The following SLC36A4 variants were observed in gnomAD, a reference collection of about 807,000 sequenced individuals.
The protein encoded by SLC36A4 is neutral amino acid uniporter 4.
SLC36A4 carries 49 observed loss-of-function variants against 50.5 expected under a neutral mutation model. The observed-to-expected ratio is 0.97, with a 90% CI of 0.77 to 1.23. SLC36A4 has a LOEUF of 1.23. SLC36A4 is among the 50% of genes most tolerant of loss of function. The probability of loss-of-function intolerance (pLI) is 0.00; values close to 1 mark genes in which losing one functional copy is unlikely to be tolerated. For synonymous variants in SLC36A4, 207 were observed against 206.5 expected (o/e 1.00, Z -0.02); for missense variants, 611 against 608.4 (o/e 1.00, Z -0.05).
intron 10 of SLC36A4, among the ~76,000 whole-genome samples, chr11:93,153,264 G>T (rs1176659187): frequency 5.3e-5 from 8 of 151,868 alleles, no homozygotes; most frequent in Non-Finnish European, 1.2e-4. Flanking sequence ...CTGGTCCCTG[G>T]TATCATTTTA....
chr11:93,179,040 A>G (rs1351218144), intron 6 of SLC36A4, among the ~76,000 whole-genome samples: 2 of 152,202 alleles, frequency 1.3e-5, no homozygotes, highest in Non-Finnish European at 2.9e-5. Context: ...AAGAGTTCAC[A>G]GAGAAAATGG....
chr11:93,184,013 T>C (rs1384654393), intron 3 of SLC36A4, among the ~76,000 whole-genome samples: 1 of 152,132 alleles, frequency 6.6e-6, no homozygotes, highest in Non-Finnish European at 1.5e-5. Flanking sequence ...TTCTTAACTG[T>C]TATTTAAATT....
intron 9 of SLC36A4, chr11:93,160,524 G>A (rs896411518): frequency 5.1e-6 from 5 of 985,264 alleles, no homozygotes; most frequent in Non-Finnish European, 6.0e-6. Flanking sequence ...TGGGAAAAGG[G>A]AAGGATTAAT....
Position 93,148,852 on chromosome 11 carries a change from A to G in SLC36A4, c.1208-8T>C. ...TAAGAATTGCTCCGGCACCTAGAAAATGAAAATACATTTATTTTTCTTATT... is the reference window on the plus strand; with the variant it reads ...TAAGAATTGCTCCGGCACCTAGAAAGTGAAAATACATTTATTTTTCTTATT... On this transcript the variant is annotated splice_polypyrimidine_tract_variant and splice_region_variant and intron_variant, in intron 10 of 10. Coordinates refer to ENST00000326402, the MANE Select transcript of SLC36A4 (RefSeq NM_152313.4). 1 of 1,592,272 alleles carries G rather than the reference A, an allele frequency of 6.3e-7. No individual in the cohort carries two copies. The highest frequency in any genetic ancestry group is 1.2e-5 in the South Asian group (1 of 86,558).
chr11:93,167,657 A>C (rs902389634), intron 7 of SLC36A4: 8 of 303,726 alleles, frequency 2.6e-5, no homozygotes, highest in African/African-American at 1.7e-4. Context: ...TAAGTCTCAT[A>C]ACTCTAATAG....
chr11:93,184,430 C>A lies in SLC36A4; in HGVS notation c.270G>T (p.Val90=). ...TGGTGATTACAAAGATAAGTCTTACCACTATGCCTGCATTTTTTATTGCCA... is the reference window on the plus strand; with the variant it reads ...TGGTGATTACAAAGATAAGTCTTACAACTATGCCTGCATTTTTTATTGCCA... ...LPLAIKNAGI[V]LGPISLVFIG... is the part of the protein sequence containing the mutation. Residue 90 remains valine (V), a splice_region_variant and synonymous_variant, in exon 3 of 11, where the codon GTG becomes GTT. Coordinates refer to ENST00000326402, the MANE Select transcript of SLC36A4 (RefSeq NM_152313.4). 1 of 1,586,710 alleles carries A rather than the reference C, an allele frequency of 6.3e-7. No homozygotes were observed. Among genetic ancestry groups the A allele is most frequent in the Non-Finnish European group, 8.7e-7 (1 of 1,155,710 alleles).
chr11:93,155,930 T>C (rs1423839521), intron 9 of SLC36A4, among the ~76,000 whole-genome samples: 1 of 152,242 alleles, frequency 6.6e-6, no homozygotes. Flanking sequence ...GGCTGCATAG[T>C]ATTCCATGAT....
chr11:93,177,995 C>T (rs955212519), intron 6 of SLC36A4, among the ~76,000 whole-genome samples: 1 of 152,192 alleles, frequency 6.6e-6, no homozygotes, highest in Non-Finnish European at 1.5e-5. Flanking sequence ...GGCAGACAGG[C>T]CTCCTTGAGC....
At chr11:93,184,811 A>G (rs1224338502) in intron 2 of SLC36A4, among the ~76,000 whole-genome samples, 1 of 152,222 alleles carries the variant, frequency 6.6e-6, no homozygotes, top group Non-Finnish European at 1.5e-5. Context: ...TTCTCTTTAC[A>G]GTGTGGTTTT....
At chr11:93,190,204 T>A (rs986472028) in intron 1 of SLC36A4, among the ~76,000 whole-genome samples, 5 of 152,178 alleles carry the variant, frequency 3.3e-5, no homozygotes, top group African/African-American at 1.2e-4. Flanking sequence ...TTGCTTTAAA[T>A]TCATCTCATC....
chr11:93,150,213 A>G (rs2134623821), intron 10 of SLC36A4, among the ~76,000 whole-genome samples: 1 of 152,162 alleles, frequency 6.6e-6, no homozygotes, highest in East Asian at 1.9e-4. Context: ...TGACAAGTAC[A>G]TCACCACTGC....
intron 5 of SLC36A4, among the ~76,000 whole-genome samples, 162 bp downstream of exon 5, chr11:93,181,529 T>C (rs1017323728): frequency 6.6e-6 from 1 of 152,032 alleles, no homozygotes; most frequent in African/African-American, 2.4e-5. Context: ...AGCTGAAAAA[T>C]GGTCAAGTTG....
chr11:93,188,691 T>G lies in SLC36A4; in HGVS notation c.56-2877A>C, dbSNP rs578128301. ...ACTATCTCACATTTACTCTAGAAAT[T>G]TATTATGTTCACCTTCTGTTTGGAT... On this transcript the variant is annotated intron_variant, in intron 1 of 10. Transcript: ENST00000326402. 3.9e-5 allele frequency among the ~76,000 whole-genome samples: 6 copies of G among 152,324 alleles called. No homozygotes were observed. In the East Asian group the frequency reaches 1.2e-3, roughly 29 times the overall value.
rs1027469682 is a variant in SLC36A4, at chr11:93,146,235, G to A, written c.*2302C>T. On this transcript the variant is annotated 3_prime_UTR_variant, in exon 11 of 11. Coordinates refer to ENST00000326402, the MANE Select transcript of SLC36A4 (RefSeq NM_152313.4). ...ATTCCTTAAGGAAAATAAACAATGG[G>A]CCAAAGTGTAAAAATTAAATAACAT... is the stretch of plus-strand genomic sequence containing the variant. The A allele has an allele frequency of 6.6e-6, 1 of 151,846 alleles. No homozygotes were observed. Among genetic ancestry groups the A allele is most frequent in the African/African-American group, 2.4e-5 (1 of 41,388 alleles). The allele number at this position is 151,846 out of a possible 1,614,324, so 9.4% of individuals were successfully genotyped here. A position where few individuals can be genotyped will look rare whatever the true frequency, so the allele number is the denominator to read the frequency against.
chr11:93,171,471 T>C (rs2134667360), intron 6 of SLC36A4: 2 of 152,210 alleles, frequency 1.3e-5, no homozygotes, highest in Middle Eastern at 3.4e-3. Flanking sequence ...CCATATGACT[T>C]AGGGCACACT....
chr11:93,172,120 A>C (rs1032432895), intron 6 of SLC36A4, among the ~76,000 whole-genome samples: 2 of 152,128 alleles, frequency 1.3e-5, no homozygotes, highest in African/African-American at 2.4e-5. Flanking sequence ...AAGTTAGAAG[A>C]AATAGTTTAA....
rs541243285 is a variant in SLC36A4 at position 93,145,989 on chromosome 11, T to G, written c.*2548A>C. The G allele has an allele frequency of 6.6e-6, 1 of 152,180 alleles. No individual in the cohort carries two copies. The highest frequency in any genetic ancestry group is 2.1e-4 in the South Asian group (1 of 4,828). The allele number at this position is 152,180 out of a possible 1,614,324, so 9.4% of individuals were successfully genotyped here. On this transcript the variant is annotated 3_prime_UTR_variant, in exon 11 of 11. Coordinates refer to ENST00000326402, the MANE Select transcript of SLC36A4 (RefSeq NM_152313.4). ...CTAAATAGTGTTTCTTGTTGAGAAT[T>G]AAAACTTTCTTCCTTTTTAGCCCCT...
intron 1 of SLC36A4, among the ~76,000 whole-genome samples, chr11:93,193,603 G>C (rs1024626593): frequency 7.2e-5 from 11 of 152,018 alleles, no homozygotes; most frequent in Non-Finnish European, 1.0e-4. Context: ...CTGATGTTAG[G>C]TGTATTACAT....
intron 1 of SLC36A4, among the ~76,000 whole-genome samples, chr11:93,187,128 C>T (rs1862017679): frequency 2.0e-5 from 3 of 149,484 alleles, no homozygotes; most frequent in Admixed American, 1.3e-4. Flanking sequence ...TTTCATTCCT[C>T]GAGTTTCTTG....
Sources: allele counts gnomAD v4.1 joint callset (sites outside exome capture counted in the v4.1 genomes callset), GRCh38; gene constraint gnomAD v4.1.1; transcripts MANE v1.5; gene names NCBI Gene and HGNC (gene_info 2026-07-23, HGNC 2026-07-21).